CDC27: variants seen among roughly 807,000 people sequenced by gnomAD.
CDC27 encodes the protein cell division cycle protein 27 homolog.
In CDC27, 27 loss-of-function variants were observed where a neutral mutation model predicts 109.7. The ratio of observed to expected loss-of-function variants is 0.25; its 90% CI spans 0.18 to 0.34. CDC27 has a LOEUF of 0.34. Among genes scored for constraint, CDC27 ranks in the 10% least tolerant of loss-of-function variants. CDC27 has a pLI of 1.00. For missense variants in CDC27, 579 were observed against 960.2 expected (o/e 0.60, Z 5.25); for synonymous variants, 266 against 333.9 (o/e 0.80, Z 2.22).
intron 4 of CDC27, among the ~76,000 whole-genome samples, chr17:47,167,502 C>T (rs2063685079): frequency 6.6e-6 from 1 of 152,082 alleles, no homozygotes; most frequent in Non-Finnish European, 1.5e-5. Flanking sequence ...CAAGTTTTTC[C>T]TAGTTATCAC....
At chr17:47,125,646 C>T (rs573200656) in intron 16 of CDC27, among the ~76,000 whole-genome samples, 4 of 149,448 alleles carry the variant, frequency 2.7e-5, no homozygotes, top group African/African-American at 7.4e-5. Context: ...CAGGTTGAAG[C>T]GATTCTCCTG....
intron 1 of CDC27, 147 bp from the exon 2 acceptor site, chr17:47,181,784 G>A (rs1416998098): frequency 1.0e-5 from 5 of 490,736 alleles, no homozygotes; most frequent in Admixed American, 9.6e-5. Flanking sequence ...ACTCCAGAGT[G>A]TGCCGGGCAA....
chr17:47,185,386 T>C (rs2064395837), intron 1 of CDC27, among the ~76,000 whole-genome samples: 1 of 152,154 alleles, frequency 6.6e-6, no homozygotes, highest in South Asian at 2.1e-4. Context: ...GGTTTCACCC[T>C]GTTGGCCAGG....
rs1452078425 is a variant in CDC27, at chr17:47,119,491, T to C, written c.*1444A>G. 1 of 152,192 alleles carries C rather than the reference T, an allele frequency of 6.6e-6. No homozygotes were observed. The highest frequency in any genetic ancestry group is 2.4e-5 in the African/African-American group (1 of 41,456). 9.4% of individuals were successfully genotyped at this position (152,192 alleles called of 1,614,324 possible). The stretch of plus-strand genomic sequence containing the variant: ...TGACTAACAAATACAGGTAAGTTTG[T>C]CCTCCATCAAATAATCCAGAATAAT... On this transcript the variant is annotated 3_prime_UTR_variant, in exon 19 of 19. Transcript: ENST00000066544.
At chr17:47,124,243 C>T (rs1357066513) in intron 16 of CDC27, among the ~76,000 whole-genome samples, 1 of 127,912 alleles carries the variant, frequency 7.8e-6, no homozygotes, top group Non-Finnish European at 1.7e-5. Flanking sequence ...TGGTAACAAT[C>T]CTTGCTTTTG....
chr17:47,141,378 A>C (rs1638566483), intron 12 of CDC27, among the ~76,000 whole-genome samples: 1 of 152,198 alleles, frequency 6.6e-6, no homozygotes. Context: ...AGATAACTTA[A>C]GCAACAAATT....
At chr17:47,137,121 G>T (rs376084191) in intron 14 of CDC27, 31 bp downstream of exon 14, 4 of 1,363,650 alleles carry the variant, frequency 2.9e-6, no homozygotes, top group South Asian at 2.6e-5. Flanking sequence ...CCATCAATAC[G>T]ACTTTGTCTT....
intron 14 of CDC27, 70 bp downstream of exon 14, chr17:47,137,082 C>A: frequency 2.4e-6 from 2 of 823,844 alleles, no homozygotes; most frequent in Non-Finnish European, 1.8e-6. Flanking sequence ...AAAGAGCTAT[C>A]TAACAAGAAA....
intron 12 of CDC27, among the ~76,000 whole-genome samples, chr17:47,139,297 C>G (rs1171506500): frequency 1.4e-5 from 2 of 143,266 alleles, no homozygotes; most frequent in African/African-American, 5.2e-5. Context: ...GATGGAGTCT[C>G]ACTCTGTCGC....
At chr17:47,149,601 A>C (rs1425491424) in intron 9 of CDC27, among the ~76,000 whole-genome samples, 2 of 152,088 alleles carry the variant, frequency 1.3e-5, no homozygotes, top group Non-Finnish European at 2.9e-5. Flanking sequence ...CTATAGAAGG[A>C]AAGGGCACCA....
intron 12 of CDC27, among the ~76,000 whole-genome samples, chr17:47,141,490 C>T (rs893567187): frequency 1.3e-5 from 2 of 152,104 alleles, no homozygotes; most frequent in South Asian, 2.1e-4. Flanking sequence ...AAAACATATT[C>T]GATGTCAAAA....
chr17:47,159,838 C>T (rs1634265), intron 4 of CDC27: 332,277 of 459,554 alleles, frequency 0.72, 121,924 homozygotes, highest in Admixed American at 0.84. Context: ...GATAGATCTC[C>T]TCCAGGGACT....
chr17:47,130,222 G>A (rs191785273), intron 15 of CDC27, among the ~76,000 whole-genome samples: 7 of 152,228 alleles, frequency 4.6e-5, no homozygotes, highest in East Asian at 1.9e-4. Flanking sequence ...TTAGCCGGGC[G>A]TGGTGTCACA....
At position 47,122,612 on chromosome 17, in the gene CDC27, C is replaced by A. The variant is rs756175903; in HGVS notation, c.2236-12G>T. On this transcript the variant is annotated splice_polypyrimidine_tract_variant and intron_variant, in intron 17 of 18. Coordinates refer to ENST00000066544, the MANE Select transcript of CDC27 (RefSeq NM_001256.6). ...AACTTCTTGTAAACCTAAAAATAAACAGCAGCACTACATTTTTCATTAAGT... is the reference window on the plus strand; with the variant it reads ...AACTTCTTGTAAACCTAAAAATAAAAAGCAGCACTACATTTTTCATTAAGT... The A allele has an allele frequency of 5.1e-6, 8 of 1,557,738 alleles. No homozygotes were observed. The highest frequency in any genetic ancestry group is 5.2e-6 in the Non-Finnish European group (6 of 1,150,434).
chr17:47,123,422 T>TC (rs2062037861), intron 17 of CDC27, among the ~76,000 whole-genome samples: 1 of 108,714 alleles, frequency 9.2e-6, no homozygotes, highest in South Asian at 2.7e-4. Context: ...TTTTTTTTTT[T>TC]CTTTCTGAGA....
intron 1 of CDC27, among the ~76,000 whole-genome samples, chr17:47,185,897 GCCCCAACAT>G (rs2064416153): frequency 6.6e-6 from 1 of 152,172 alleles, no homozygotes; most frequent in Non-Finnish European, 1.5e-5. Context: ...CCCAATTAAT[GCCCCAACAT>G]TTAGCAATGT....
chr17:47,188,863 C>T (rs988340415), intron 1 of CDC27: 2 of 1,366,554 alleles, frequency 1.5e-6, no homozygotes, highest in Non-Finnish European at 1.9e-6. Context: ...AGCCAGGCCC[C>T]TGGACTGACA....
intron 14 of CDC27, among the ~76,000 whole-genome samples, chr17:47,134,202 A>G (rs2062493471): frequency 6.6e-6 from 1 of 151,928 alleles, no homozygotes; most frequent in South Asian, 2.1e-4. Context: ...CCAGACCATT[A>G]AAACATTTTA....
intron 2 of CDC27, among the ~76,000 whole-genome samples, chr17:47,174,930 T>C (rs1338147234): frequency 6.6e-6 from 1 of 151,420 alleles, no homozygotes; most frequent in African/African-American, 2.4e-5. Context: ...CACTCCAGCC[T>C]GGGCAACAGC....
Sources: gnomAD v4.1 joint callset for allele counts (sites outside exome capture counted in the v4.1 genomes callset) on GRCh38, gnomAD v4.1.1 for gene constraint, MANE v1.5 for transcripts, NCBI Gene and HGNC (gene_info 2026-07-23, HGNC 2026-07-21) for gene names.